Variants in SLC10A7 observed in about 807,000 individuals in gnomAD.
SLC10A7 encodes sodium/bile acid cotransporter 7.
Under a neutral mutation model 43.2 loss-of-function variants are expected in SLC10A7, and 29 were observed. That is an observed-to-expected ratio of 0.67 (90% CI 0.50 to 0.92). The LOEUF (loss-of-function observed/expected upper bound fraction) is 0.92, where lower values mean the gene tolerates loss of function less well. SLC10A7 is among the 40% of genes least tolerant of loss of function. SLC10A7 has a pLI of 0.00. For missense variants in SLC10A7, 295 were observed against 403.2 expected, an observed-to-expected ratio of 0.73 and a Z score of 2.30; for synonymous variants, 152 against 144.8, an observed-to-expected ratio of 1.05 and a Z score of -0.35.
At chr4:146,297,589 G>A (rs943712495) in intron 7 of SLC10A7, among the ~76,000 whole-genome samples, 4 of 152,060 alleles carry the variant, frequency 2.6e-5, no homozygotes, top group East Asian at 1.9e-4. Flanking sequence ...AATGTTTCAC[G>A]TTGTCTGAAT....
intron 4 of SLC10A7, among the ~76,000 whole-genome samples, chr4:146,463,246 A>G (rs1159967630): frequency 6.6e-6 from 1 of 152,186 alleles, no homozygotes; most frequent in African/African-American, 2.4e-5. Flanking sequence ...TTTATAATAT[A>G]TAGACTAACT....
intron 5 of SLC10A7, 79 bp from the exon 6 acceptor site, chr4:146,326,075 G>A (rs1733083883): frequency 2.4e-6 from 3 of 1,224,944 alleles, no homozygotes; most frequent in Admixed American, 4.2e-5. Context: ...AAACTCTGAG[G>A]CATAGGAGTG....
At chr4:146,354,044 C>A (rs373831054) in intron 5 of SLC10A7, among the ~76,000 whole-genome samples, 2 of 145,962 alleles carry the variant, frequency 1.4e-5, no homozygotes, top group Non-Finnish European at 3.0e-5. Flanking sequence ...CCAGGGCAAT[C>A]AGGCAGGAGA....
chr4:146,257,008 G>A (rs2572639), intron 11 of SLC10A7: 1 of 1,047,800 alleles, frequency 9.5e-7, no homozygotes, highest in Non-Finnish European at 1.4e-6. Context: ...TTATTCTACA[G>A]AACAAATTCT....
intron 2 of SLC10A7, among the ~76,000 whole-genome samples, chr4:146,513,277 C>T (rs1737648233): frequency 1.3e-5 from 2 of 151,816 alleles, no homozygotes; most frequent in African/African-American, 4.8e-5. Context: ...TATTAAATTA[C>T]ATTAAAAGTA....
chr4:146,349,019 G>A (rs1339095913), intron 5 of SLC10A7, among the ~76,000 whole-genome samples: 1 of 152,158 alleles, frequency 6.6e-6, no homozygotes, highest in African/African-American at 2.4e-5. Context: ...ATAATTTGCT[G>A]ATCATTCACT....
At chr4:146,263,276 A>AC (rs776796846) in intron 10 of SLC10A7, among the ~76,000 whole-genome samples, 32 of 152,252 alleles carry the variant, frequency 2.1e-4, no homozygotes, top group South Asian at 1.2e-3. Context: ...CACCTTCGCT[A>AC]CCCTTATTAT....
chr4:146,268,092 A>G (rs1728675628), intron 10 of SLC10A7, among the ~76,000 whole-genome samples: 1 of 152,182 alleles, frequency 6.6e-6, no homozygotes, highest in South Asian at 2.1e-4. Flanking sequence ...AACTGGACCT[A>G]AACCTTCCCT....
chr4:146,381,776 G>A (rs1019016395), intron 5 of SLC10A7, among the ~76,000 whole-genome samples: 2 of 151,996 alleles, frequency 1.3e-5, no homozygotes, highest in African/African-American at 4.8e-5. Context: ...CCCTTGGAAG[G>A]CCCTTTCCAG....
chr4:146,275,884 G>A (rs1324727961), intron 10 of SLC10A7, among the ~76,000 whole-genome samples: 2 of 151,408 alleles, frequency 1.3e-5, no homozygotes, highest in South Asian at 2.1e-4. Context: ...CCTTTTAGGT[G>A]CTCTCAGAGC....
At chr4:146,471,982 C>T (rs1317916961) in intron 4 of SLC10A7, among the ~76,000 whole-genome samples, 2 of 152,058 alleles carry the variant, frequency 1.3e-5, no homozygotes, top group African/African-American at 4.8e-5. Flanking sequence ...CTCCATACCC[C>T]CCCACTCCCA....
At chr4:146,412,392 A>G (rs1728259714) in intron 5 of SLC10A7, among the ~76,000 whole-genome samples, 1 of 152,168 alleles carries the variant, frequency 6.6e-6, no homozygotes, top group Non-Finnish European at 1.5e-5. Flanking sequence ...TTTGGGTGCA[A>G]AGAAAGAAAG....
intron 4 of SLC10A7, among the ~76,000 whole-genome samples, chr4:146,465,078 C>T (rs558401390): frequency 6.6e-6 from 1 of 152,066 alleles, no homozygotes; most frequent in Non-Finnish European, 1.5e-5. Flanking sequence ...TTTAAAACTA[C>T]AATTTGTTTG....
intron 7 of SLC10A7, among the ~76,000 whole-genome samples, chr4:146,294,394 C>T (rs1420989052): frequency 6.6e-6 from 1 of 152,144 alleles, no homozygotes; most frequent in Non-Finnish European, 1.5e-5. Context: ...CATTAAACCT[C>T]CCCAAAGTTT....
intron 3 of SLC10A7, among the ~76,000 whole-genome samples, chr4:146,509,118 C>A (rs770499916): frequency 6.6e-6 from 1 of 152,168 alleles, no homozygotes; most frequent in Non-Finnish European, 1.5e-5. Context: ...TTTCACATAT[C>A]TCACTGTTTT....
intron 4 of SLC10A7, among the ~76,000 whole-genome samples, chr4:146,483,121 A>G (rs918115577): frequency 6.6e-6 from 1 of 152,240 alleles, no homozygotes; most frequent in African/African-American, 2.4e-5. Flanking sequence ...AAAGGACAAT[A>G]ATTACTATCA....
At chr4:146,419,078 A>G (rs971098586) in intron 5 of SLC10A7, among the ~76,000 whole-genome samples, 1 of 152,178 alleles carries the variant, frequency 6.6e-6, no homozygotes, top group African/African-American at 2.4e-5. Context: ...CCAGGGCACA[A>G]TGGGAACCTC....
intron 6 of SLC10A7, among the ~76,000 whole-genome samples, chr4:146,312,669 T>C (rs1203332306): frequency 6.6e-6 from 1 of 152,182 alleles, no homozygotes; most frequent in Non-Finnish European, 1.5e-5. Flanking sequence ...AGTGAGATTA[T>C]GCAGTAATTT....
At chr4:146,265,276 C>A (rs979255543) in intron 10 of SLC10A7, among the ~76,000 whole-genome samples, 3 of 152,198 alleles carry the variant, frequency 2.0e-5, no homozygotes, top group African/African-American at 7.2e-5. Context: ...GAATTGGACC[C>A]CAGTGTGTTT....
Sources: gnomAD v4.1 joint callset for allele counts (sites outside exome capture counted in the v4.1 genomes callset) on GRCh38, gnomAD v4.1.1 for gene constraint, MANE v1.5 for transcripts, NCBI Gene and HGNC (gene_info 2026-07-23, HGNC 2026-07-21) for gene names.